ZNF827: variants seen among roughly 807,000 people sequenced by gnomAD.
The protein encoded by ZNF827 is zinc finger protein 827.
A neutral mutation model predicts 102.4 loss-of-function variants in ZNF827; 13 were observed. That is an observed-to-expected ratio of 0.13 (90% CI 0.08 to 0.20). The LOEUF (loss-of-function observed/expected upper bound fraction) is 0.20, where lower values mean the gene tolerates loss of function less well. Among genes scored for constraint, ZNF827 ranks in the 10% least tolerant of loss-of-function variants. The probability of loss-of-function intolerance (pLI) is 1.00; values close to 1 mark genes in which losing one functional copy is unlikely to be tolerated. For missense variants in ZNF827, 1,103 were observed against 1,344.4 expected, an observed-to-expected ratio of 0.82 and a Z score of 2.81; for synonymous variants, 523 against 536.2, an observed-to-expected ratio of 0.98 and a Z score of 0.34.
intron 1 of ZNF827, among the ~76,000 whole-genome samples, chr4:145,933,658 TTTTCC>T (rs2127003055): frequency 6.6e-6 from 1 of 152,310 alleles, no homozygotes; most frequent in East Asian, 1.9e-4. Context: ...CTTTATTAAC[TTTTCC>T]TTTGTGTTCC....
chr4:145,837,523 T>A (rs1422226407), intron 7 of ZNF827, among the ~76,000 whole-genome samples: 3 of 152,206 alleles, frequency 2.0e-5, no homozygotes, highest in Admixed American at 1.3e-4. Context: ...GTCATACTCC[T>A]ATTCACCGTT....
chr4:145,784,348 C>T (rs992747474), intron 8 of ZNF827, among the ~76,000 whole-genome samples: 1 of 152,176 alleles, frequency 6.6e-6, no homozygotes, highest in Non-Finnish European at 1.5e-5. Context: ...TTTCAGCCAC[C>T]GTTGGTTGGG....
chr4:145,897,877 G>C (rs1352555396), intron 2 of ZNF827, among the ~76,000 whole-genome samples: 2 of 152,090 alleles, frequency 1.3e-5, no homozygotes, highest in Non-Finnish European at 1.5e-5. Flanking sequence ...ACTTATGGCC[G>C]GGTCCTGTGC....
intron 1 of ZNF827, among the ~76,000 whole-genome samples, chr4:145,920,549 C>T (rs549629217): frequency 7.9e-5 from 12 of 152,306 alleles, no homozygotes; most frequent in Admixed American, 7.2e-4. Context: ...TACATTCACG[C>T]GAATGTCCAG....
chr4:145,818,120 G>A (rs765139081), intron 8 of ZNF827, among the ~76,000 whole-genome samples: 6 of 152,152 alleles, frequency 3.9e-5, no homozygotes, highest in Non-Finnish European at 7.4e-5. Context: ...TTTATTTCTA[G>A]CTAAAAGAAG....
chr4:145,910,828 T>C (rs1256516038), intron 1 of ZNF827, among the ~76,000 whole-genome samples: 1 of 152,180 alleles, frequency 6.6e-6, no homozygotes, highest in African/African-American at 2.4e-5. Flanking sequence ...TTGCAATTGC[T>C]CTTCCTCTGC....
In ZNF827 at chr4:145,765,216, AG is replaced by A. The variant is rs1247383942; in HGVS notation, c.3053-52del. The stretch of plus-strand genomic sequence containing the variant: ...AGGTGCACAGGGCAGCGGGGAGAGG[AG>A]GGCAGGAGTGGAGCCAAGCTCCTCC... On this transcript the variant is annotated intron_variant, in intron 12 of 14. Coordinates refer to ENST00000508784, the MANE Select transcript of ZNF827 (RefSeq NM_001306215.2). This position sits in a 1 kb window ranked among gnomAD's most constrained non-coding sequence, Gnocchi z 4.7. 4 of 1,522,246 alleles carry A rather than the reference AG, an allele frequency of 2.6e-6. No homozygotes were observed. Among genetic ancestry groups the A allele is most frequent in the Non-Finnish European group, 3.5e-6 (4 of 1,131,668 alleles). 94.3% of individuals were successfully genotyped at this position (1,522,246 alleles called of 1,614,324 possible).
intron 5 of ZNF827, among the ~76,000 whole-genome samples, chr4:145,857,977 G>C (rs1161407463): frequency 1.3e-5 from 2 of 152,170 alleles, no homozygotes; most frequent in Non-Finnish European, 2.9e-5. Context: ...AAAATGGAAA[G>C]GGTCAATTAA....
At chr4:145,842,019 G>A (rs570230726) in intron 7 of ZNF827, among the ~76,000 whole-genome samples, 2 of 152,272 alleles carry the variant, frequency 1.3e-5, no homozygotes, top group South Asian at 2.1e-4. Context: ...GGGAAGTAGA[G>A]GAGGGAGATA....
Position 145,842,261 on chromosome 4 carries a change from G to A in ZNF827, c.2279+3695C>T, listed in dbSNP as rs536040032. On this transcript the variant is annotated intron_variant, in intron 7 of 14. Transcript: ENST00000508784. ...TTTTCACTCTCCTTATCTACCTTTC[G>A]TATAACAGAGGTATCAACAAGGGGC... Among the ~76,000 whole-genome samples, 7 of 152,174 alleles carry A rather than the reference G, an allele frequency of 4.6e-5. No individual in the cohort carries two copies. The South Asian group carries it at 1.0e-3, about 23-fold the overall frequency.
At chr4:145,903,978 T>C (rs999321527) in intron 1 of ZNF827, among the ~76,000 whole-genome samples, 1 of 152,180 alleles carries the variant, frequency 6.6e-6, no homozygotes, top group African/African-American at 2.4e-5. Context: ...ATGCTTGCCA[T>C]ATTATCACAG....
At chr4:145,884,055 G>A (rs1400047373) in intron 4 of ZNF827, among the ~76,000 whole-genome samples, 1 of 152,170 alleles carries the variant, frequency 6.6e-6, no homozygotes, top group Admixed American at 6.5e-5. Context: ...GAGAAGTCGG[G>A]GGAGAGAGGT....
intron 5 of ZNF827, among the ~76,000 whole-genome samples, chr4:145,858,641 CAAAA>C (rs57745840): frequency 2.1e-5 from 2 of 93,030 alleles, no homozygotes; most frequent in Non-Finnish European, 4.5e-5. Context: ...GACCCTGTCT[CAAAA>C]AAAAAAAAAA....
rs76877875 is a variant in ZNF827 at position 145,929,551 on chromosome 4, C to T, written c.43+8814G>A. Among the ~76,000 whole-genome samples, 804 of 151,994 alleles carry T rather than the reference C, an allele frequency of 5.3e-3. 22 individuals are homozygous for T. The East Asian group carries it at 0.055, about 10-fold the overall frequency. ...TAAAAGCCTAATATAATATTGTTGG[C>T]CTATGAAACAAGTATTAGTCAAGCC... On this transcript the variant is annotated intron_variant, in intron 1 of 14. Coordinates refer to ENST00000508784, the MANE Select transcript of ZNF827 (RefSeq NM_001306215.2).
chr4:145,769,374 C>T (rs1446233141), intron 11 of ZNF827, among the ~76,000 whole-genome samples: 1 of 152,080 alleles, frequency 6.6e-6, no homozygotes, highest in Non-Finnish European at 1.5e-5. Flanking sequence ...ACCCTGAATC[C>T]CTGATACTGC....
intron 7 of ZNF827, chr4:145,830,905 T>C (rs967705462): frequency 6.6e-6 from 1 of 152,238 alleles, no homozygotes; most frequent in Non-Finnish European, 1.5e-5. Flanking sequence ...CATTTTCATT[T>C]TGAATGAGCA....
chr4:145,774,678 T>C lies in ZNF827; in HGVS notation c.2694-6A>G, dbSNP rs1201094701. ...CAAATCCACACACGTGACAACTACA[T>C]GAAAGGGTAAAAGAAAAGAGGGGGA... On this transcript the variant is annotated splice_polypyrimidine_tract_variant and splice_region_variant and intron_variant, in intron 10 of 14. Transcript: ENST00000508784. The C allele has an allele frequency of 1.2e-6, 2 of 1,612,322 alleles. No homozygotes were observed. The highest frequency in any genetic ancestry group is 1.7e-6 in the Non-Finnish European group (2 of 1,179,120).
At chr4:145,876,109 GC>G (rs895478274) in intron 4 of ZNF827, among the ~76,000 whole-genome samples, 1 of 152,270 alleles carries the variant, frequency 6.6e-6, no homozygotes. Flanking sequence ...TGAAGTGGCT[GC>G]CTTTGCACTG....
At chr4:145,920,287 T>C (rs1191190171) in intron 1 of ZNF827, among the ~76,000 whole-genome samples, 5 of 152,232 alleles carry the variant, frequency 3.3e-5, no homozygotes, top group African/African-American at 2.4e-5. Flanking sequence ...GGAATCCAGA[T>C]GCAGAATATG....
Sources: allele counts gnomAD v4.1 joint callset (sites outside exome capture counted in the v4.1 genomes callset), GRCh38; gene constraint gnomAD v4.1.1; non-coding constraint Gnocchi (gnomAD v3.1); transcripts MANE v1.5; gene names NCBI Gene and HGNC (gene_info 2026-07-23, HGNC 2026-07-21).